The following ODF2 variants were observed in gnomAD, a reference collection of about 807,000 sequenced individuals.
ODF2 encodes outer dense fiber of sperm tails 2.
In ODF2, 47 loss-of-function variants were observed where a neutral mutation model predicts 110.2. The ratio of observed to expected loss-of-function variants is 0.43; its 90% CI spans 0.34 to 0.54. The LOEUF is 0.54. Among genes scored for constraint, ODF2 ranks in the 20% least tolerant of loss-of-function variants. The pLI is 0.03. For missense variants in ODF2, 812 were observed against 1,054.5 expected, an observed-to-expected ratio of 0.77 and a Z score of 3.19; for synonymous variants, 352 against 397.7, an observed-to-expected ratio of 0.89 and a Z score of 1.37.
At position 128,490,315 on chromosome 9, in the gene ODF2, C is replaced by T. The variant is rs902821713; in HGVS notation, c.1537-2111C>T. On this transcript the variant is annotated intron_variant, in intron 14 of 20. Transcript: ENST00000604420. ...TTTTTTTTTTTGAGACAGAGTCTTG[C>T]TCTGTTGCCCAGGCTGGAGTGAAGT... Among the ~76,000 whole-genome samples, 6 of 151,574 alleles carry T rather than the reference C, an allele frequency of 4.0e-5. No individual in the cohort carries two copies. The East Asian group carries it at 7.7e-4, about 20-fold the overall frequency.
intron 12 of ODF2, 45 bp downstream of exon 12, chr9:128,484,931 G>T: frequency 6.3e-7 from 1 of 1,594,702 alleles, no homozygotes; most frequent in Non-Finnish European, 8.6e-7. Flanking sequence ...CCTGAGGAGG[G>T]CTGGGTGATG....
chr9:128,456,758 CG>C (rs112684591), intron 1 of ODF2: 201,799 of 868,670 alleles, frequency 0.23, 23,401 homozygotes, highest in African/African-American at 0.46. Context: ...CCTCGCCCGG[CG>C]GGGGGGGGTC....
chr9:128,484,134 C>A, intron 11 of ODF2, 80 bp downstream of exon 11: 1 of 1,019,426 alleles, frequency 9.8e-7, no homozygotes, highest in Non-Finnish European at 1.5e-6. Context: ...CCAGATATCA[C>A]ACTCAGGAAG....
At chr9:128,456,022 C>T (rs1261196708), upstream of ODF2, 5 of 1,437,908 alleles carry the variant, frequency 3.5e-6, no homozygotes, top group African/African-American at 4.4e-5. Flanking sequence ...GGCGGGGCAT[C>T]TCTGTGACGC....
At chr9:128,481,471 T>TTAAA in intron 8 of ODF2, 109 bp from the exon 9 acceptor site, 1 of 668,506 alleles carries the variant, frequency 1.5e-6, no homozygotes, top group East Asian at 3.6e-5. Context: ...AGTAAGACTC[T>TTAAA]AAAAAAAAAA....
At position 128,490,705 on chromosome 9, in the gene ODF2, C is replaced by T. The variant is rs543977371; in HGVS notation, c.1537-1721C>T. 4.6e-5 allele frequency among the ~76,000 whole-genome samples: 7 copies of T among 152,238 alleles called. No individual in the cohort carries two copies. In the South Asian group the frequency reaches 1.0e-3, roughly 23 times the overall value. On this transcript the variant is annotated intron_variant, in intron 14 of 20. Transcript: ENST00000604420. Reference sequence around the variant, plus strand: ...GAACATATATTTTTCTAGATTATCCCCCAGTACTAACATATCAAGCACACA... The same window carrying T: ...GAACATATATTTTTCTAGATTATCCTCCAGTACTAACATATCAAGCACACA...
At chr9:128,492,942 G>C (rs1844877441) in intron 16 of ODF2, 137 bp downstream of exon 16, 1 of 667,272 alleles carries the variant, frequency 1.5e-6, no homozygotes, top group South Asian at 1.8e-5. Context: ...TCATTGGTGG[G>C]CTCATCCACT....
exon 7 of ODF2, chr9:128,472,996 C>T (rs755508878): frequency 1.2e-5 from 20 of 1,614,102 alleles, no homozygotes; most frequent in Non-Finnish European, 1.7e-5. Flanking sequence ...GCTGCGGCTG[C>T]CAAGCAGGTC....
chr9:128,500,934 T>C (rs1846375769), downstream of ODF2: 1 of 152,218 alleles, frequency 6.6e-6, no homozygotes, highest in Non-Finnish European at 1.5e-5. Flanking sequence ...TTTGTGTGAT[T>C]TTACAAAAAG....
chr9:128,457,910 A>G (rs889470667), intron 2 of ODF2, among the ~76,000 whole-genome samples: 2 of 149,642 alleles, frequency 1.3e-5, no homozygotes, highest in East Asian at 2.0e-4. Flanking sequence ...TTCCTTGGCT[A>G]AAGGATCAGT....
intron 4 of ODF2, 187 bp downstream of exon 4, chr9:128,461,254 AGTCCTGCT>A (rs2131495682): frequency 1.4e-6 from 1 of 706,528 alleles, no homozygotes; most frequent in African/African-American, 1.8e-5. Context: ...CTGTGTGGGA[AGTCCTGCT>A]GTCCAAAGGC....
At chr9:128,481,614 T>C in exon 9 of ODF2, 1 of 1,614,106 alleles carries the variant, frequency 6.2e-7, no homozygotes, top group Non-Finnish European at 8.5e-7. Flanking sequence ...CAAGGAGCAC[T>C]GCTGAAACGG....
intron 5 of ODF2, 130 bp downstream of exon 5, chr9:128,469,483 C>A: frequency 1.1e-6 from 1 of 893,494 alleles, no homozygotes; most frequent in Non-Finnish European, 1.8e-6. Context: ...TTGCCCCGGG[C>A]TTCAGTTGCC....
intron 2 of ODF2, among the ~76,000 whole-genome samples, chr9:128,458,702 C>G (rs1835616488): frequency 6.6e-6 from 1 of 151,170 alleles, no homozygotes; most frequent in Non-Finnish European, 1.5e-5. Context: ...TGCTTGAGAG[C>G]TTAAAGGATA....
At chr9:128,482,397 T>A (rs1177390470) in intron 9 of ODF2, among the ~76,000 whole-genome samples, 1 of 152,182 alleles carries the variant, frequency 6.6e-6, no homozygotes, top group Non-Finnish European at 1.5e-5. Context: ...AGCAGCTCTT[T>A]CAAAAGACAC....
chr9:128,470,955 C>T (rs1471935897), intron 5 of ODF2, among the ~76,000 whole-genome samples: 1 of 151,318 alleles, frequency 6.6e-6, no homozygotes, highest in Non-Finnish European at 1.5e-5. Flanking sequence ...CTTGTCCGCC[C>T]AGGCTGGAGT....
At position 128,469,476 on chromosome 9, in the gene ODF2, C is replaced by T. The variant is rs1588797466; in HGVS notation, c.420+123C>T. The T allele has an allele frequency of 2.2e-5, 23 of 1,029,742 alleles. No individual in the cohort carries two copies. The East Asian group carries it at 4.8e-4, about 21-fold the overall frequency. The allele number at this position is 1,029,742 out of a possible 1,614,324, so 63.8% of individuals were successfully genotyped here. On this transcript the variant is annotated intron_variant, in intron 5 of 20. Transcript: ENST00000604420. ...CCTTCAGGCCTCCTCTGCAGGGTTGCCCCGGGCTTCAGTTGCCTGCCCCGG... is the reference window on the plus strand; with the variant it reads ...CCTTCAGGCCTCCTCTGCAGGGTTGTCCCGGGCTTCAGTTGCCTGCCCCGG...
At chr9:128,492,130 G>A (rs1262576582) in intron 14 of ODF2, among the ~76,000 whole-genome samples, 1 of 152,010 alleles carries the variant, frequency 6.6e-6, no homozygotes, top group African/African-American at 2.4e-5. Flanking sequence ...CTCCCAAAGT[G>A]CTGGGATTAT....
At chr9:128,470,936 A>G (rs1343590226) in intron 5 of ODF2, among the ~76,000 whole-genome samples, 6 of 145,816 alleles carry the variant, frequency 4.1e-5, no homozygotes, top group African/African-American at 1.5e-4. Flanking sequence ...TTTGAGATGG[A>G]GTCTCACTCT....
Sources: allele counts gnomAD v4.1 joint callset (sites outside exome capture counted in the v4.1 genomes callset), GRCh38; gene constraint gnomAD v4.1.1; transcripts MANE v1.5; gene names NCBI Gene and HGNC (gene_info 2026-07-23, HGNC 2026-07-21).